The following GRAP2 variants were observed in gnomAD, a reference collection of about 807,000 sequenced individuals.
The protein encoded by GRAP2 is GRB2-related adapter protein 2.
A neutral mutation model predicts 43.5 loss-of-function variants in GRAP2; 31 were observed. That is an observed-to-expected ratio of 0.71 (90% CI 0.54 to 0.96). The LOEUF is 0.96. Among genes scored for constraint, GRAP2 ranks in the 40% least tolerant of loss-of-function variants. The pLI is 0.00. For missense variants in GRAP2, 371 were observed against 424.4 expected, an observed-to-expected ratio of 0.87 and a Z score of 1.11; for synonymous variants, 156 against 164.8, an observed-to-expected ratio of 0.95 and a Z score of 0.41.
At chr22:39,942,617 CTCT>C (rs1344568170) in intron 1 of GRAP2, among the ~76,000 whole-genome samples, 2 of 149,026 alleles carry the variant, frequency 1.3e-5, no homozygotes, top group African/African-American at 5.0e-5. Context: ...AGACCCCGAT[CTCT>C]ACCAAAAAAA....
intron 1 of GRAP2, among the ~76,000 whole-genome samples, chr22:39,938,472 G>A (rs1306846299): frequency 1.3e-5 from 2 of 152,248 alleles, no homozygotes; most frequent in African/African-American, 4.8e-5. Flanking sequence ...CACAAGGCAA[G>A]GCCATGGGGT....
intron 1 of GRAP2, among the ~76,000 whole-genome samples, chr22:39,904,355 T>C (rs1281583636): frequency 2.0e-5 from 3 of 151,954 alleles, no homozygotes; most frequent in Non-Finnish European, 4.4e-5. Flanking sequence ...GCCACTGCAC[T>C]CCAGCCTGGT....
intron 1 of GRAP2, among the ~76,000 whole-genome samples, chr22:39,905,348 A>G (rs1367091900): frequency 3.9e-5 from 6 of 152,186 alleles, no homozygotes; most frequent in Non-Finnish European, 1.5e-5. Flanking sequence ...GGCTGGAAAT[A>G]TTTATTGAGT....
At chr22:39,905,143 AG>A (rs1274278244) in intron 1 of GRAP2, among the ~76,000 whole-genome samples, 3 of 152,162 alleles carry the variant, frequency 2.0e-5, no homozygotes, top group Non-Finnish European at 4.4e-5. Flanking sequence ...GAGTACTCTC[AG>A]GGGGTATCTC....
chr22:39,900,994 T>C, upstream of GRAP2: 1 of 253,002 alleles, frequency 4.0e-6, no homozygotes, highest in Admixed American at 5.1e-5. Context: ...AGTTCAACTC[T>C]GGCAGCAAGA....
At chr22:39,900,429 G>A (rs1005189714), upstream of GRAP2, among the ~76,000 whole-genome samples, 1 of 152,188 alleles carries the variant, frequency 6.6e-6, no homozygotes, top group Non-Finnish European at 1.5e-5. Context: ...TCTAGCAAGA[G>A]CAAAGAGAAA....
chr22:39,959,576 C>T (rs1601735518), intron 3 of GRAP2, among the ~76,000 whole-genome samples: 2 of 152,272 alleles, frequency 1.3e-5, no homozygotes, highest in South Asian at 2.1e-4. Flanking sequence ...CAGGGAGGAA[C>T]CTCTAGGCCA....
At chr22:39,935,226 T>A (rs2066794313) in intron 1 of GRAP2, among the ~76,000 whole-genome samples, 1 of 152,240 alleles carries the variant, frequency 6.6e-6, no homozygotes, top group Non-Finnish European at 1.5e-5. Context: ...TTTTCTTTCT[T>A]GTTGTGGTTC....
intron 1 of GRAP2, among the ~76,000 whole-genome samples, chr22:39,905,479 T>C (rs2066517231): frequency 1.3e-5 from 2 of 152,054 alleles, no homozygotes; most frequent in Admixed American, 1.3e-4. Flanking sequence ...CTGGGACGAG[T>C]TATTCTTTTT....
rs568523300 is a variant in GRAP2 at position 39,970,968 on chromosome 22, C to T, written c.877C>T (p.His293Tyr). The change falls in exon 8 of 8, where the codon CAC (histidine) becomes TAC (tyrosine). Residue 293 changes from histidine (H) to tyrosine (Y), a missense_variant. His to Tyr is a moderately conservative substitution (Grantham distance 83, BLOSUM62 2). Coordinates refer to ENST00000344138, the MANE Select transcript of GRAP2 (RefSeq NM_004810.4). ...CCTGGAGGATGACGAGCTGGGGTTCCACAGCGGGGAGGTGGTGGAGGTCCT... is the reference window on the plus strand; with the variant it reads ...CCTGGAGGATGACGAGCTGGGGTTCTACAGCGGGGAGGTGGTGGAGGTCCT... Reference protein sequence around the residue: ...EALEDDELGFHSGEVVEVLDS... With the variant: ...EALEDDELGFYSGEVVEVLDS... 1.1e-4 allele frequency: 185 copies of T among 1,613,566 alleles called. 2 individuals carry two copies. In the South Asian group the frequency reaches 2.0e-3, roughly 17 times the overall value.
chr22:39,933,560 G>A (rs1334144486), intron 1 of GRAP2, among the ~76,000 whole-genome samples: 1 of 152,022 alleles, frequency 6.6e-6, no homozygotes, highest in Non-Finnish European at 1.5e-5. Context: ...GTGTGTCAAG[G>A]CCGGGTATGG....
At chr22:39,897,564 G>T (rs1162201023), upstream of GRAP2, among the ~76,000 whole-genome samples, 4 of 141,712 alleles carry the variant, frequency 2.8e-5, no homozygotes, top group African/African-American at 1.1e-4. Flanking sequence ...TTATTGCCCA[G>T]GCTGGAGTGC....
intron 2 of GRAP2, chr22:39,947,973 C>G (rs943616332): frequency 1.4e-4 from 21 of 152,308 alleles, no homozygotes; most frequent in African/African-American, 5.1e-4. Flanking sequence ...ATAGCCTGAT[C>G]CCTGGTCCTC....
chr22:39,963,795 A>G (rs2067142685), intron 4 of GRAP2: 1 of 152,506 alleles, frequency 6.6e-6, no homozygotes, highest in Non-Finnish European at 1.5e-5. Context: ...AGGTGGGCGG[A>G]TCATGAGGTC....
intron 1 of GRAP2, among the ~76,000 whole-genome samples, chr22:39,907,701 C>A (rs978243020): frequency 5.3e-5 from 8 of 151,532 alleles, no homozygotes; most frequent in African/African-American, 9.7e-5. Flanking sequence ...GTGTTCACAC[C>A]GCTACACTCC....
chr22:39,955,942 A>C, intron 3 of GRAP2, 32 bp downstream of exon 3: 1 of 914,664 alleles, frequency 1.1e-6, no homozygotes, highest in Non-Finnish European at 1.8e-6. Context: ...AGATGGGCCT[A>C]GCCACACACA....
chr22:39,946,408 T>C (rs1165933303), intron 1 of GRAP2, among the ~76,000 whole-genome samples: 1 of 152,220 alleles, frequency 6.6e-6, no homozygotes, highest in Non-Finnish European at 1.5e-5. Flanking sequence ...ATGGGTCTCA[T>C]GCATTACAAG....
intron 1 of GRAP2, among the ~76,000 whole-genome samples, chr22:39,935,825 C>G (rs567440955): frequency 6.6e-6 from 1 of 152,164 alleles, no homozygotes; most frequent in East Asian, 1.9e-4. Flanking sequence ...TGTGTTTTGC[C>G]CAGATGAGAA....
At chr22:39,919,803 G>T (rs541173756) in intron 1 of GRAP2, among the ~76,000 whole-genome samples, 8 of 152,320 alleles carry the variant, frequency 5.3e-5, no homozygotes, top group Non-Finnish European at 2.9e-5. Context: ...ATATGAAGTT[G>T]TGTAAATAAG....
Sources: gnomAD v4.1 joint callset for allele counts (sites outside exome capture counted in the v4.1 genomes callset) on GRCh38, gnomAD v4.1.1 for gene constraint, MANE v1.5 for transcripts, NCBI Gene and HGNC (gene_info 2026-07-23, HGNC 2026-07-21) for gene names.